KANSL3: variants seen among roughly 807,000 people sequenced by gnomAD.
KANSL3 encodes NSL complex protein NSL3.
A neutral mutation model predicts 89.2 loss-of-function variants in KANSL3; 16 were observed. That is an observed-to-expected ratio of 0.18 (90% CI 0.12 to 0.27). The LOEUF (loss-of-function observed/expected upper bound fraction) is 0.27. Ranked by LOEUF, KANSL3 falls within the 10% of genes least tolerant of loss-of-function variation. The probability of loss-of-function intolerance (pLI) is 1.00; values close to 1 mark genes in which losing one functional copy is unlikely to be tolerated. For synonymous variants in KANSL3, 385 were observed against 419.7 expected (o/e 0.92, Z 1.01); for missense variants, 879 against 1,110.6 (o/e 0.79, Z 2.96).
intron 20 of KANSL3, among the ~76,000 whole-genome samples, chr2:96,598,952 A>G (rs2066825664): frequency 6.7e-6 from 1 of 150,166 alleles, no homozygotes; most frequent in Non-Finnish European, 1.5e-5. Context: ...GTTTATCCTC[A>G]TTCATTTCAT....
At chr2:96,611,202 A>G in intron 9 of KANSL3, 64 bp from the exon 10 acceptor site, 1 of 1,396,414 alleles carries the variant, frequency 7.2e-7, no homozygotes, top group Non-Finnish European at 1.0e-6. Context: ...GCCTACCCAG[A>G]ATCCAGGAGT....
chr2:96,627,777 C>T (rs1033761174), intron 3 of KANSL3: 3 of 492,532 alleles, frequency 6.1e-6, no homozygotes, highest in Middle Eastern at 7.4e-4. Flanking sequence ...AATGGCAACA[C>T]GATGATTATA....
At chr2:96,587,237 A>T in the KANSL3 span, among the ~76,000 whole-genome samples, 2 of 152,176 alleles carry the variant, frequency 1.3e-5, no homozygotes, top group African/African-American at 4.8e-5. Flanking sequence ...TTAGCCTGGA[A>T]ATCTACCCAC....
At chr2:96,613,754 G>A in intron 5 of KANSL3, 135 bp from the exon 6 acceptor site, 1 of 678,864 alleles carries the variant, frequency 1.5e-6, no homozygotes, top group Non-Finnish European at 2.4e-6. Context: ...ACCTCCTAAG[G>A]ATCAAGAATA....
At chr2:96,586,213 A>G in the KANSL3 span, among the ~76,000 whole-genome samples, 1 of 149,534 alleles carries the variant, frequency 6.7e-6, no homozygotes. Context: ...TGACAGAGTG[A>G]GACTCAGTCT....
At position 96,608,587 on chromosome 2, in the gene KANSL3, G is replaced by A. The variant is rs1264652669; in HGVS notation, c.1662C>T (p.Ser554=). 3 of 1,614,002 alleles carry A rather than the reference G, an allele frequency of 1.9e-6. No homozygotes were observed. The highest frequency in any genetic ancestry group is 2.2e-5 in the South Asian group (2 of 91,088). The change falls in exon 14 of 21, where the codon TCC becomes TCT. Residue 554 remains serine (S), a synonymous_variant. Transcript: ENST00000431828. ...GCAGCTGAGAACTTCCAATCTGACT[G>A]GACTTCTGGGCAGAGGTCACTGTGG... is the stretch of plus-strand genomic sequence containing the variant. The part of the protein sequence containing the change: ...KVTTVTSAQK[S]SQIGSSQLLK...
intron 20 of KANSL3, among the ~76,000 whole-genome samples, chr2:96,595,860 A>G (rs2066480993): frequency 6.6e-6 from 1 of 152,212 alleles, no homozygotes; most frequent in Admixed American, 6.5e-5. Flanking sequence ...GCAAGTGCCT[A>G]TGTTCTCTGA....
the KANSL3 span, among the ~76,000 whole-genome samples, chr2:96,581,708 T>C: frequency 6.6e-6 from 1 of 152,236 alleles, no homozygotes; most frequent in Non-Finnish European, 1.5e-5. Context: ...TCTATATCTC[T>C]GTCTACTTCA....
chr2:96,613,062 T>C (rs148200043), intron 6 of KANSL3, 128 bp from the exon 7 acceptor site: 56 of 662,020 alleles, frequency 8.5e-5, no homozygotes, highest in African/African-American at 8.3e-4. Context: ...TTAAGCACTA[T>C]GTAAAATAAA....
intron 14 of KANSL3, among the ~76,000 whole-genome samples, chr2:96,607,586 C>T (rs2105294795): frequency 1.3e-5 from 2 of 152,360 alleles, no homozygotes; most frequent in East Asian, 3.9e-4. Context: ...AGCATCCGCG[C>T]AGACCCTTGG....
chr2:96,621,912 G>A (rs570869405), intron 3 of KANSL3, among the ~76,000 whole-genome samples: 14 of 151,572 alleles, frequency 9.2e-5, no homozygotes, highest in Middle Eastern at 3.4e-3. Context: ...TCAGGAGTTC[G>A]AGACCAGCCT....
chr2:96,637,089 C>T lies in KANSL3; in HGVS notation c.47G>A (p.Arg16His), dbSNP rs1236662638. ...GERDFQTSAR[R>H]MGTSLLFQLS... The stretch of plus-strand genomic sequence containing the variant: ...CTGGAAGAGCAGCGAGGTGCCCATG[C>T]GTCGAGCTGAAGTCTGGAAGTCCCT... The change falls in exon 2 of 21, where the codon CGC becomes CAC. Residue 16 changes from arginine to histidine, a missense_variant. By Grantham distance (29) the Arg-to-His change is conservative. This residue lies in a region of KANSL3 where 210 missense variants were observed against 311.9 expected (regional missense o/e 0.67). Transcript: ENST00000431828. 5 of 1,551,660 alleles carry T rather than the reference C, an allele frequency of 3.2e-6. No homozygotes were observed. The highest frequency in any genetic ancestry group is 2.4e-5 in the East Asian group (1 of 40,914).
intron 3 of KANSL3, among the ~76,000 whole-genome samples, chr2:96,623,201 G>C (rs1160519386): frequency 1.3e-5 from 2 of 152,144 alleles, no homozygotes; most frequent in Non-Finnish European, 2.9e-5. Context: ...TGCATTCTAA[G>C]TTCTGTAAAC....
intron 16 of KANSL3, among the ~76,000 whole-genome samples, 191 bp downstream of exon 16, chr2:96,604,588 C>A (rs753821287): frequency 6.6e-6 from 1 of 152,100 alleles, no homozygotes; most frequent in Non-Finnish European, 1.5e-5. Context: ...AGCCAGGGGA[C>A]GATTTGGAGT....
chr2:96,602,342 T>C lies in KANSL3; in HGVS notation c.2260-4A>G, dbSNP rs1278342858. 6.2e-7 allele frequency: 1 copy of C among 1,602,696 alleles called. No individual in the cohort carries two copies. Among genetic ancestry groups the C allele is most frequent in the South Asian group, 1.1e-5 (1 of 88,876 alleles). The stretch of plus-strand genomic sequence containing the variant: ...TGGGCAACTTCACACTGGTGGCCTG[T>C]GGGACACACAAGCCCAGGTGATCAG... On this transcript the variant is annotated splice_polypyrimidine_tract_variant and splice_region_variant and intron_variant, in intron 18 of 20. Coordinates refer to ENST00000431828, the MANE Select transcript of KANSL3 (RefSeq NM_001115016.3).
At chr2:96,592,732 G>C (rs573569730), downstream of KANSL3, among the ~76,000 whole-genome samples, 4 of 152,324 alleles carry the variant, frequency 2.6e-5, 1 homozygote, top group South Asian at 8.3e-4. Context: ...GGCTGGGTGT[G>C]GTGGCTCACG....
At position 96,619,696 on chromosome 2, in the gene KANSL3, C is replaced by T. The variant is rs942879366; in HGVS notation, c.453G>A (p.Arg151=). 6.4e-6 allele frequency: 10 copies of T among 1,566,228 alleles called. No individual in the cohort carries two copies. The highest frequency in any genetic ancestry group is 8.7e-6 in the Non-Finnish European group (10 of 1,155,412). Residue 151 remains arginine, a synonymous_variant, in exon 4 of 21, where the codon CGG becomes CGA. Coordinates refer to ENST00000431828, the MANE Select transcript of KANSL3 (RefSeq NM_001115016.3). ...NKILKALQSD[R]LARLANEGAC... ...CCCCTTCGTTGGCCAAGCGGGCAAGCCGGTCAGACTGCAGGGCTTTGAGGA... is the reference window on the plus strand; with the variant it reads ...CCCCTTCGTTGGCCAAGCGGGCAAGTCGGTCAGACTGCAGGGCTTTGAGGA...
intron 20 of KANSL3, chr2:96,600,460 G>T (rs909028517): frequency 1.0e-6 from 1 of 985,228 alleles, no homozygotes; most frequent in African/African-American, 1.7e-5. Flanking sequence ...AGGTAGCTAT[G>T]ATCCCAACGA....
chr2:96,600,745 G>C, intron 20 of KANSL3: 1 of 985,422 alleles, frequency 1.0e-6, no homozygotes, highest in African/African-American at 1.7e-5. Flanking sequence ...GACTTGAAAA[G>C]GTCACAGGGG....
Sources: gnomAD v4.1 joint callset for allele counts (sites outside exome capture counted in the v4.1 genomes callset) on GRCh38, gnomAD v4.1.1 for gene constraint, gnomAD v4.1.1 regional missense constraint, MANE v1.5 for transcripts, NCBI Gene and HGNC (gene_info 2026-07-23, HGNC 2026-07-21) for gene names.